The following GRXCR2 variants were observed in gnomAD, a reference collection of about 807,000 sequenced individuals.
GRXCR2 encodes glutaredoxin and cysteine rich domain containing 2, also known as glutaredoxin domain-containing cysteine-rich protein 2.
GRXCR2 carries 23 observed loss-of-function variants against 24.8 expected under a neutral mutation model. The ratio of observed to expected loss-of-function variants is 0.93; its 90% CI spans 0.67 to 1.32. The LOEUF (loss-of-function observed/expected upper bound fraction) is 1.32, where lower values mean the gene tolerates loss of function less well. GRXCR2 is among the 40% of genes most tolerant of loss of function. The pLI is 0.00. For missense variants in GRXCR2, 315 were observed against 303.4 expected (o/e 1.04, Z -0.28); for synonymous variants, 130 against 116.1 (o/e 1.12, Z -0.77).
intron 2 of GRXCR2, among the ~76,000 whole-genome samples, chr5:145,929,980 C>A (rs1180399044): frequency 1.3e-5 from 2 of 152,146 alleles, no homozygotes; most frequent in East Asian, 3.8e-4. Context: ...CTGAATCACA[C>A]CAGGAGAAAG....
chr5:145,894,891 A>G (rs1756925697), intron 2 of GRXCR2, among the ~76,000 whole-genome samples: 2 of 152,176 alleles, frequency 1.3e-5, no homozygotes, highest in South Asian at 2.1e-4. Context: ...CCTCAATAAA[A>G]TACTGGCAAA....
chr5:145,886,556 C>T (rs964951299), intron 2 of GRXCR2, among the ~76,000 whole-genome samples: 1 of 152,152 alleles, frequency 6.6e-6, no homozygotes, highest in Non-Finnish European at 1.5e-5. Flanking sequence ...GGTTTGCCCA[C>T]TAGAGAACAA....
intron 2 of GRXCR2, among the ~76,000 whole-genome samples, chr5:145,894,001 A>C (rs182586116): frequency 6.6e-6 from 1 of 152,238 alleles, no homozygotes; most frequent in Non-Finnish European, 1.5e-5. Context: ...GCTCAACTAC[A>C]TGGAAACTGA....
chr5:145,923,523 C>A (rs989093687), intron 2 of GRXCR2, among the ~76,000 whole-genome samples: 1 of 152,190 alleles, frequency 6.6e-6, no homozygotes, highest in Non-Finnish European at 1.5e-5. Context: ...AGTACTCTGA[C>A]TCCCAGCTTT....
At chr5:145,873,092 A>G, upstream of GRXCR2, 5 of 748,242 alleles carry the variant, frequency 6.7e-6, no homozygotes, top group Non-Finnish European at 1.1e-5. Context: ...TTGCTGGGGT[A>G]TGGTCAGTTT....
intron 2 of GRXCR2, among the ~76,000 whole-genome samples, chr5:145,904,157 G>A (rs1420542136): frequency 2.0e-5 from 3 of 152,140 alleles, no homozygotes; most frequent in African/African-American, 7.2e-5. Context: ...AGAGCTCTGG[G>A]AGGATGACAT....
chr5:145,915,743 A>C (rs1757228306), intron 2 of GRXCR2, among the ~76,000 whole-genome samples: 1 of 132,044 alleles, frequency 7.6e-6, no homozygotes, highest in Admixed American at 7.5e-5. Flanking sequence ...CAAAAAAAAA[A>C]AAAGGAAGAA....
intron 2 of GRXCR2, among the ~76,000 whole-genome samples, chr5:145,886,665 T>C (rs1756784094): frequency 6.6e-6 from 1 of 152,164 alleles, no homozygotes; most frequent in Admixed American, 6.5e-5. Context: ...AAAATGGCCC[T>C]GAGTTTTCTC....
intron 2 of GRXCR2, among the ~76,000 whole-genome samples, chr5:145,889,235 A>AGAAAGAAG (rs1463347226): frequency 4.8e-5 from 7 of 146,372 alleles, no homozygotes; most frequent in Non-Finnish European, 9.1e-5. Context: ...AAAGAAAGAA[A>AGAAAGAAG]GAAAGAAAGA....
chr5:145,864,582 C>T (rs1384993342), intron 2 of GRXCR2, among the ~76,000 whole-genome samples: 2 of 152,130 alleles, frequency 1.3e-5, no homozygotes, highest in South Asian at 2.1e-4. Context: ...TGAGTTCTCA[C>T]CAGAGCTGGT....
intron 2 of GRXCR2, among the ~76,000 whole-genome samples, chr5:145,892,760 C>G (rs1436762478): frequency 6.6e-6 from 1 of 152,144 alleles, no homozygotes; most frequent in Non-Finnish European, 1.5e-5. Context: ...GGCCAACATT[C>G]AAATTCAGGA....
chr5:145,858,335 C>T (rs1341870859), downstream of GRXCR2, among the ~76,000 whole-genome samples: 1 of 89,488 alleles, frequency 1.1e-5, no homozygotes, highest in Non-Finnish European at 2.6e-5. Context: ...AAAAAAAAAG[C>T]AGAATACACT....
At chr5:145,920,032 G>C (rs1198946428) in intron 2 of GRXCR2, among the ~76,000 whole-genome samples, 1 of 152,162 alleles carries the variant, frequency 6.6e-6, no homozygotes, top group African/African-American at 2.4e-5. Context: ...GCGATGACTT[G>C]TGGATCCTAA....
rs538328166 is a variant in GRXCR2 at position 145,858,980 on chromosome 5, G to C, written c.*753C>G. 1 of 152,258 alleles carries C rather than the reference G, an allele frequency of 6.6e-6. No individual in the cohort carries two copies. The highest frequency in any genetic ancestry group is 1.9e-4 in the East Asian group (1 of 5,188). The allele number at this position is 152,258 out of a possible 1,614,324, so 9.4% of individuals were successfully genotyped here. A position where few individuals can be genotyped will look rare whatever the true frequency, so the allele number is the denominator to read the frequency against. On this transcript the variant is annotated 3_prime_UTR_variant, in exon 3 of 3. Coordinates refer to ENST00000377976, the MANE Select transcript of GRXCR2 (RefSeq NM_001080516.2). ...TTATTTGGTAGTAATTCAGGGGCTC[G>C]AAGAAGTTATATCATACACACATAT...
intron 2 of GRXCR2, among the ~76,000 whole-genome samples, chr5:145,888,380 G>A (rs61108211): frequency 0.014 from 2,090 of 152,260 alleles, 60 homozygotes; most frequent in African/African-American, 0.047. Flanking sequence ...ACGGTGGAGC[G>A]TAGAAAAATA....
At chr5:145,890,299 A>G (rs2149918676) in intron 2 of GRXCR2, among the ~76,000 whole-genome samples, 1 of 152,278 alleles carries the variant, frequency 6.6e-6, no homozygotes, top group African/African-American at 2.4e-5. Context: ...CATGTTGGCC[A>G]GGCTGGTCTT....
intron 2 of GRXCR2, among the ~76,000 whole-genome samples, chr5:145,903,846 T>C (rs1757057026): frequency 6.6e-6 from 1 of 152,166 alleles, no homozygotes; most frequent in African/African-American, 2.4e-5. Flanking sequence ...TGAAAGTCAT[T>C]TTTTGCCTGA....
Position 145,930,380 on chromosome 5 carries a change from CT to C in GRXCR2, c.-70+5320del, listed in dbSNP as rs1757462956. Among the ~76,000 whole-genome samples the C allele has an allele frequency of 7.9e-5, 12 of 152,304 alleles. No individual in the cohort carries two copies. In the South Asian group the frequency reaches 2.5e-3, roughly 32 times the overall value. ...GATTATAAGCATGAGCCACTACTCT[CT>C]TTTTAACACAAATTGCTCAGGTCTC... On this transcript the variant is annotated intron_variant, in intron 2 of 3. Coordinates refer to the GRXCR2 transcript ENST00000639411.
intron 2 of GRXCR2, among the ~76,000 whole-genome samples, chr5:145,884,001 G>A (rs1756741171): frequency 6.6e-6 from 1 of 152,098 alleles, no homozygotes; most frequent in South Asian, 2.1e-4. Context: ...CACTAATGGT[G>A]GGACAAACGT....
Sources: allele counts gnomAD v4.1 joint callset (sites outside exome capture counted in the v4.1 genomes callset), GRCh38; gene constraint gnomAD v4.1.1; transcripts MANE v1.5; gene names NCBI Gene and HGNC (gene_info 2026-07-23, HGNC 2026-07-21).